Variants in NIPA2 observed in about 807,000 individuals in gnomAD.
NIPA2 encodes the protein magnesium transporter NIPA2.
NIPA2 carries 11 observed loss-of-function variants against 29.7 expected under a neutral mutation model. That is an observed-to-expected ratio of 0.37 (90% CI 0.23 to 0.61). NIPA2 has a LOEUF of 0.61. Ranked by LOEUF, NIPA2 falls within the 20% of genes least tolerant of loss-of-function variation. NIPA2 has a pLI of 0.66. For synonymous variants in NIPA2, 183 were observed against 161.9 expected, an observed-to-expected ratio of 1.13 and a Z score of -0.99; for missense variants, 426 against 437.9, an observed-to-expected ratio of 0.97 and a Z score of 0.24.
At chr15:22,852,467 T>TAAAAAAA (rs71411211) in intron 4 of NIPA2, among the ~76,000 whole-genome samples, 5 of 131,010 alleles carry the variant, frequency 3.8e-5, no homozygotes, top group Admixed American at 8.1e-5. Flanking sequence ...AGACTCCGTC[T>TAAAAAAA]AAAAAAAAAA....
intron 2 of NIPA2, among the ~76,000 whole-genome samples, chr15:22,840,302 G>T (rs867038449): frequency 0.01 from 1,325 of 129,358 alleles, 16 homozygotes; most frequent in Non-Finnish European, 0.012. Flanking sequence ...TTTTTTTTTT[G>T]TTTTTTTTTT....
intron 2 of NIPA2, among the ~76,000 whole-genome samples, chr15:22,843,980 AGCCG>A (rs1235961625): frequency 2.0e-5 from 3 of 152,108 alleles, no homozygotes; most frequent in Non-Finnish European, 4.4e-5. Flanking sequence ...TACAGATGTG[AGCCG>A]CCGTGCTCGG....
At position 22,853,222 on chromosome 15, in the gene NIPA2, C is replaced by G. The variant is rs2057906044; in HGVS notation, c.150C>G (p.Gly50=). ...RKGSMRAGQG[G]HAYLKEWLWW... ...TTTCTTCATTCACAGGTCAAGGTGG[C>G]CATGCATATCTTAAGGAATGGTTGT... is the stretch of plus-strand genomic sequence containing the variant. Residue 50 remains glycine (G), a synonymous_variant, in exon 5 of 8, where the codon GGC becomes GGG. Coordinates refer to ENST00000337451, the MANE Select transcript of NIPA2 (RefSeq NM_030922.7). 1.2e-6 allele frequency: 2 copies of G among 1,607,636 alleles called. No homozygotes were observed. Among genetic ancestry groups the G allele is most frequent in the Non-Finnish European group, 1.7e-6 (2 of 1,174,482 alleles).
rs116638964 is a variant in NIPA2 at position 22,846,154 on chromosome 15, C to T, written c.-94+887C>T. ...GGATAGAACGGAGAACCAGGGGCTGCGGGAGGCAAGGCTTTGTGGTAACGA... is the reference window on the plus strand; with the variant it reads ...GGATAGAACGGAGAACCAGGGGCTGTGGGAGGCAAGGCTTTGTGGTAACGA... On this transcript the variant is annotated intron_variant, in intron 3 of 7. Coordinates refer to ENST00000337451, the MANE Select transcript of NIPA2 (RefSeq NM_030922.7). 3.3e-3 allele frequency among the ~76,000 whole-genome samples: 504 copies of T among 152,224 alleles called. 4 individuals are homozygous for T. Among genetic ancestry groups the T allele is most frequent in the African/African-American group, 0.011 (468 of 41,534 alleles).
chr15:22,852,967 T>A (rs2057883061), intron 4 of NIPA2, among the ~76,000 whole-genome samples: 1 of 152,196 alleles, frequency 6.6e-6, no homozygotes, highest in Non-Finnish European at 1.5e-5. Flanking sequence ...TACTGCTTGT[T>A]CCCCTAGTCC....
chr15:22,850,162 T>A (rs1182855544), intron 3 of NIPA2, among the ~76,000 whole-genome samples: 1 of 152,094 alleles, frequency 6.6e-6, no homozygotes, highest in Non-Finnish European at 1.5e-5. Flanking sequence ...GTGTGTGAGT[T>A]AGCTATCTCA....
intron 3 of NIPA2, among the ~76,000 whole-genome samples, chr15:22,850,982 C>T (rs572864544): frequency 1.3e-5 from 2 of 152,292 alleles, no homozygotes; most frequent in African/African-American, 4.8e-5. Context: ...TTTGGAAAAA[C>T]AATTGCAGTC....
chr15:22,839,091 G>A (rs114977321), intron 1 of NIPA2, 170 bp downstream of exon 1: 2,307 of 152,266 alleles, frequency 0.015, 32 homozygotes, highest in Admixed American at 0.033. Flanking sequence ...TCGGATTGCC[G>A]TTCAGTCCCA....
In NIPA2 at chr15:22,856,644, T is replaced by C. The variant is rs187500103; in HGVS notation, c.197-1896T>C. ...CAATAAAAGATTTACATCTGAAATA[T>C]ATAAAGAATTACCTTAAATCAATTA... On this transcript the variant is annotated intron_variant, in intron 5 of 7. Transcript: ENST00000337451. 1.8e-4 allele frequency among the ~76,000 whole-genome samples: 27 copies of C among 152,298 alleles called. No homozygotes were observed. In the East Asian group the frequency reaches 2.3e-3, roughly 13 times the overall value.
chr15:22,858,628 A>G lies in NIPA2; in HGVS notation c.285A>G (p.Val95=). The part of the protein sequence containing the change: ...VTPLGALSVL[V]SAILSSYFLN... ...CACTAGGAGCTCTCAGCGTGCTAGT[A>G]AGGTAAGGACACGTTTTTCATGTAG... Residue 95 remains valine, a splice_region_variant and synonymous_variant, in exon 6 of 8, where the codon GTA becomes GTG. Coordinates refer to ENST00000337451, the MANE Select transcript of NIPA2 (RefSeq NM_030922.7). 1 of 1,586,442 alleles carries G rather than the reference A, an allele frequency of 6.3e-7. No individual in the cohort carries two copies. Among genetic ancestry groups the G allele is most frequent in the Non-Finnish European group, 8.6e-7 (1 of 1,162,154 alleles).
chr15:22,846,115 T>TA (rs1898559948), intron 3 of NIPA2, among the ~76,000 whole-genome samples: 1 of 152,214 alleles, frequency 6.6e-6, no homozygotes, highest in African/African-American at 2.4e-5. Context: ...GGAAGTTTCT[T>TA]AGTCTTTCGC....
chr15:22,867,274 A>G lies in NIPA2; in HGVS notation c.*427A>G. ...AGTTATCCCAATACATTATCCTGTG[A>G]TTTACCTTACCTACAAAAGTGGCTC... is the stretch of plus-strand genomic sequence containing the variant. On this transcript the variant is annotated 3_prime_UTR_variant, in exon 8 of 8. Transcript: ENST00000337451. 2.5e-6 allele frequency: 1 copy of G among 398,942 alleles called. No homozygotes were observed. 24.7% of individuals were successfully genotyped at this position (398,942 alleles called of 1,614,324 possible).
intron 7 of NIPA2, among the ~76,000 whole-genome samples, chr15:22,862,769 GT>G (rs1255408432): frequency 1.3e-5 from 2 of 151,920 alleles, no homozygotes; most frequent in Admixed American, 1.3e-4. Context: ...TTTAAGTGAT[GT>G]TTTTTCTTCC....
chr15:22,846,854 T>C (rs1036755551), intron 3 of NIPA2, among the ~76,000 whole-genome samples: 2 of 146,140 alleles, frequency 1.4e-5, no homozygotes, highest in African/African-American at 5.0e-5. Context: ...ATTATTATTA[T>C]TATTTAAATT....
chr15:22,859,161 G>A (rs1456662410), intron 6 of NIPA2, among the ~76,000 whole-genome samples: 2 of 152,106 alleles, frequency 1.3e-5, no homozygotes, highest in African/African-American at 2.4e-5. Context: ...GCTATAGAGC[G>A]AGACTCTGTC....
rs147025774 is a variant in NIPA2, at chr15:22,858,719, A to G, written c.287+89A>G. 2.3e-4 allele frequency: 183 copies of G among 784,954 alleles called. No homozygotes were observed. The East Asian group carries it at 5.3e-3, about 23-fold the overall frequency. 48.6% of individuals were successfully genotyped at this position (784,954 alleles called of 1,614,324 possible). A position where few individuals can be genotyped will look rare whatever the true frequency, so the allele number is the denominator to read the frequency against. On this transcript the variant is annotated intron_variant, in intron 6 of 7. Coordinates refer to ENST00000337451, the MANE Select transcript of NIPA2 (RefSeq NM_030922.7). ...CATCTAATTAAATATGTTCAACACA[A>G]TTTACATTTCAACAACCTGGAGAAC...
chr15:22,862,289 C>A (rs866700491), intron 7 of NIPA2, among the ~76,000 whole-genome samples: 3 of 151,086 alleles, frequency 2.0e-5, no homozygotes, highest in Middle Eastern at 3.5e-3. Flanking sequence ...CTCAGGTGAT[C>A]CACCTGCCTC....
chr15:22,840,894 A>G (rs1292469345), intron 2 of NIPA2, among the ~76,000 whole-genome samples: 1 of 152,040 alleles, frequency 6.6e-6, no homozygotes, highest in Non-Finnish European at 1.5e-5. Context: ...TTTAAAACAC[A>G]TGACTTTGAA....
intron 2 of NIPA2, among the ~76,000 whole-genome samples, chr15:22,840,636 G>A (rs1178395680): frequency 1.3e-5 from 2 of 152,096 alleles, no homozygotes; most frequent in African/African-American, 2.4e-5. Flanking sequence ...GTGGGCAGCC[G>A]GGTGTAGAAG....
Sources: gnomAD v4.1 joint callset for allele counts (sites outside exome capture counted in the v4.1 genomes callset) on GRCh38, gnomAD v4.1.1 for gene constraint, MANE v1.5 for transcripts, NCBI Gene and HGNC (gene_info 2026-07-23, HGNC 2026-07-21) for gene names.